The following PROSER1 variants were observed in gnomAD, a reference collection of about 807,000 sequenced individuals.
PROSER1 encodes proline and serine rich 1.
PROSER1 carries 36 observed loss-of-function variants against 71.8 expected under a neutral mutation model. The observed-to-expected ratio is 0.50, with a 90% CI of 0.38 to 0.66. The LOEUF is 0.66. PROSER1 is among the 30% of genes least tolerant of loss of function. The probability of loss-of-function intolerance (pLI) is 0.00; values close to 1 mark genes in which losing one functional copy is unlikely to be tolerated. For synonymous variants in PROSER1, 490 were observed against 452.4 expected, an observed-to-expected ratio of 1.08 and a Z score of -1.06; for missense variants, 1,107 against 1,135.0, an observed-to-expected ratio of 0.98 and a Z score of 0.35.
chr13:39,014,278 T>TGA lies in PROSER1; in HGVS notation c.972_973dup (p.His325LeufsTer42). ...GTTTGGTATTGATGGCTGAGGTGTG[T>TGA]GAACGGCTGAGGAGACCTGCCCTGG... On this transcript the variant is annotated frameshift_variant, in exon 11 of 13. Transcript: ENST00000352251. LOFTEE classifies it high-confidence loss of function. The TGA allele has an allele frequency of 6.2e-7, 1 of 1,614,088 alleles. No homozygotes were observed. The highest frequency in any genetic ancestry group is 2.2e-5 in the East Asian group (1 of 44,860).
At chr13:39,011,624 G>C (rs1869664744) in intron 12 of PROSER1, 137 bp from the exon 13 acceptor site, 1 of 802,648 alleles carries the variant, frequency 1.2e-6, no homozygotes, top group Non-Finnish European at 1.9e-6. Flanking sequence ...AATAAAGTCT[G>C]CTCAGTCACT....
chr13:39,018,815 C>T lies in PROSER1; in HGVS notation c.731-1271G>A, dbSNP rs144512954. ...AAAAGAATAACGAAAACAAAATTTT[C>T]CTAAGCTTTAAAGACTTGAGTTTTC... On this transcript the variant is annotated intron_variant, in intron 9 of 12. Coordinates refer to ENST00000352251, the MANE Select transcript of PROSER1 (RefSeq NM_025138.5). Among the ~76,000 whole-genome samples, 611 of 152,114 alleles carry T rather than the reference C, an allele frequency of 4.0e-3. 4 individuals carry two copies. The highest frequency in any genetic ancestry group is 0.014 in the African/African-American group (583 of 41,522).
intron 1 of PROSER1, among the ~76,000 whole-genome samples, chr13:39,035,341 C>A (rs942967812): frequency 3.9e-5 from 6 of 152,142 alleles, no homozygotes; most frequent in Admixed American, 6.5e-5. Flanking sequence ...CCAGCTGTAA[C>A]CCCAGGCAGG....
Position 39,013,811 on chromosome 13 carries a change from T to C in PROSER1, c.1441A>G (p.Thr481Ala), listed in dbSNP as rs1869840637. 1 of 1,614,056 alleles carries C rather than the reference T, an allele frequency of 6.2e-7. No individual in the cohort carries two copies. Among genetic ancestry groups the C allele is most frequent in the South Asian group, 1.1e-5 (1 of 91,090 alleles). ...AAAGCAGAGGAGTTGATTAAATTGG[T>C]GTCATTGGATGTCAGAAAACCTTTT... The part of the protein sequence containing the change: ...ALKGFLTSND[T>A]NLINSSALSS... Residue 481 changes from threonine to alanine, a missense_variant, in exon 11 of 13, where the codon ACC becomes GCC. Coordinates refer to ENST00000352251, the MANE Select transcript of PROSER1 (RefSeq NM_025138.5).
At chr13:39,037,041 G>A (rs951792358) in intron 1 of PROSER1, among the ~76,000 whole-genome samples, 157 bp downstream of exon 1, 2 of 152,124 alleles carry the variant, frequency 1.3e-5, no homozygotes, top group Admixed American at 6.5e-5. Context: ...TACTGGAAAC[G>A]TATCAAGATA....
At chr13:39,026,127 A>G (rs1566026545) in intron 6 of PROSER1, 150 bp downstream of exon 6, 1 of 551,810 alleles carries the variant, frequency 1.8e-6, no homozygotes, top group Admixed American at 3.4e-5. Flanking sequence ...TAATACTTTA[A>G]TGAAGTTTAG....
At chr13:39,018,924 A>G (rs1870148901) in intron 9 of PROSER1, among the ~76,000 whole-genome samples, 1 of 152,160 alleles carries the variant, frequency 6.6e-6, no homozygotes, top group Non-Finnish European at 1.5e-5. Flanking sequence ...CTGAAATCCA[A>G]AGATAAAAAA....
rs927933999 is a variant in PROSER1 at position 39,037,347 on chromosome 13, G to A, written c.-105C>T. ...GTAAAAAATATTTATAGCTGAGGAG[G>A]AAAAAGACTCCACGAGCAAGAGAGG... On this transcript the variant is annotated 5_prime_UTR_variant, in exon 1 of 13. Transcript: ENST00000352251. 6 of 831,310 alleles carry A rather than the reference G, an allele frequency of 7.2e-6. No individual in the cohort carries two copies. The highest frequency in any genetic ancestry group is 1.0e-5 in the Non-Finnish European group (5 of 487,262). 51.5% of individuals were successfully genotyped at this position (831,310 alleles called of 1,614,324 possible). A position where few individuals can be genotyped will look rare whatever the true frequency, so the allele number is the denominator to read the frequency against.
Position 39,014,096 on chromosome 13 carries a change from G to A in PROSER1, c.1156C>T (p.Pro386Ser), listed in dbSNP as rs141429117. 112 of 1,614,198 alleles carry A rather than the reference G, an allele frequency of 6.9e-5. 2 individuals are homozygous for A. In the African/African-American group the frequency reaches 1.2e-3, roughly 18 times the overall value. ...TCACTGGAACCAAGAGTGGACCGTGGTGTAGGTCCTGGGGTAGGAGTGGCT... is the reference window on the plus strand; with the variant it reads ...TCACTGGAACCAAGAGTGGACCGTGATGTAGGTCCTGGGGTAGGAGTGGCT... Reference protein sequence around the residue: ...TAATPTPGPTPRSTLGSSEAF... With the variant: ...TAATPTPGPTSRSTLGSSEAF... Residue 386 changes from proline to serine, a missense_variant, in exon 11 of 13, where the codon CCA becomes TCA. Physicochemically the swap from Pro to Ser is moderately conservative, Grantham distance 74. Transcript: ENST00000352251.
intron 5 of PROSER1, among the ~76,000 whole-genome samples, chr13:39,026,831 T>C (rs536570387): frequency 2.6e-5 from 4 of 152,258 alleles, no homozygotes; most frequent in Non-Finnish European, 2.9e-5. Context: ...TAACATGACA[T>C]TGGGTGGTCC....
At chr13:39,034,686 A>G (rs926051163) in intron 1 of PROSER1, among the ~76,000 whole-genome samples, 10 of 152,240 alleles carry the variant, frequency 6.6e-5, no homozygotes, top group Non-Finnish European at 1.5e-4. Context: ...GGGACATAAG[A>G]ATGCAAGAAG....
chr13:39,024,480 G>A lies in PROSER1; in HGVS notation c.557C>T (p.Ser186Phe). Residue 186 changes from serine to phenylalanine, a missense_variant, in exon 7 of 13, where the codon TCC (serine) becomes TTC (phenylalanine). Ser to Phe is a radical substitution (Grantham distance 155, BLOSUM62 -2). Coordinates refer to ENST00000352251, the MANE Select transcript of PROSER1 (RefSeq NM_025138.5). ...KGIAARILGP[S>F]KPPPSTYNPH... is the part of the protein sequence containing the mutation. Reference sequence around the variant, plus strand: ...ATCATTTTCTAAACATACTGGTTTGGATGGCCCAAGAATTCGTGCAGCTAT... The same window carrying A: ...ATCATTTTCTAAACATACTGGTTTGAATGGCCCAAGAATTCGTGCAGCTAT... The A allele has an allele frequency of 6.2e-7, 1 of 1,608,702 alleles. No homozygotes were observed.
intron 6 of PROSER1, among the ~76,000 whole-genome samples, 164 bp downstream of exon 6, chr13:39,026,113 C>T (rs1870533198): frequency 6.6e-6 from 1 of 152,170 alleles, no homozygotes; most frequent in Admixed American, 6.5e-5. Flanking sequence ...TATATAGATA[C>T]CCTTAATACT....
intron 10 of PROSER1, among the ~76,000 whole-genome samples, chr13:39,015,156 C>T (rs9576700): frequency 0.2 from 30,836 of 152,080 alleles, 3,690 homozygotes; most frequent in African/African-American, 0.33. Context: ...AGTTAATGAG[C>T]GTCTGCTGGG....
At chr13:39,024,955 C>G (rs540124703) in intron 6 of PROSER1, among the ~76,000 whole-genome samples, 54 of 152,092 alleles carry the variant, frequency 3.6e-4, no homozygotes, top group Non-Finnish European at 5.0e-4. Context: ...TAAATAATCT[C>G]TAGATTACTT....
chr13:39,019,619 G>A (rs1870194856), intron 9 of PROSER1, among the ~76,000 whole-genome samples: 1 of 151,062 alleles, frequency 6.6e-6, no homozygotes, highest in South Asian at 2.1e-4. Context: ...GAATAAGAAG[G>A]TAATCATTGG....
chr13:39,011,469 G>C lies in PROSER1; in HGVS notation c.2731C>G (p.Leu911Val), dbSNP rs1869653837. ...TCAGGCTGAGCTGGATAGCTTTCCAGAGCCGAAGCTGAATGGACCTGATGG... is the reference window on the plus strand; with the variant it reads ...TCAGGCTGAGCTGGATAGCTTTCCACAGCCGAAGCTGAATGGACCTGATGG... ...LLQQVHSASA[L>V]ESYPAQPDGF... The change falls in exon 13 of 13, where the codon CTG becomes GTG. Residue 911 changes from leucine (L) to valine (V), a missense_variant. By Grantham distance (32) the Leu-to-Val change is conservative. Transcript: ENST00000352251. The C allele has an allele frequency of 2.2e-5, 36 of 1,614,070 alleles. No homozygotes were observed. The highest frequency in any genetic ancestry group is 3.1e-5 in the Non-Finnish European group (36 of 1,180,008).
intron 9 of PROSER1, among the ~76,000 whole-genome samples, chr13:39,019,347 C>G (rs936257890): frequency 1.4e-5 from 1 of 72,930 alleles, no homozygotes; most frequent in Non-Finnish European, 2.9e-5. Flanking sequence ...ACTAAAAATA[C>G]AAAAAAAAAA....
Position 39,013,400 on chromosome 13 carries a change from C to T in PROSER1, c.1852G>A (p.Ala618Thr). 3.1e-6 allele frequency: 5 copies of T among 1,614,102 alleles called. No homozygotes were observed. Among genetic ancestry groups the T allele is most frequent in the Non-Finnish European group, 4.2e-6 (5 of 1,180,030 alleles). Residue 618 changes from alanine (A) to threonine (T), a missense_variant, in exon 11 of 13, where the codon GCC becomes ACC. Transcript: ENST00000352251. ...KTEPTSPTPS[A>T]FKGPSHSGNP... ...CCAGAATGAGATGGACCTTTGAAGG[C>T]CGAGGGAGTAGGACTTGTGGGCTCA...
Sources: allele counts gnomAD v4.1 joint callset (sites outside exome capture counted in the v4.1 genomes callset), GRCh38; gene constraint gnomAD v4.1.1; transcripts MANE v1.5; gene names NCBI Gene and HGNC (gene_info 2026-07-23, HGNC 2026-07-21).